Variants in MEIS2 observed in about 807,000 individuals in gnomAD.
MEIS2 encodes the protein homeobox protein Meis2.
In MEIS2, 9 loss-of-function variants were observed where a neutral mutation model predicts 58.6. The observed-to-expected ratio is 0.15, with a 90% CI of 0.09 to 0.27. The LOEUF (loss-of-function observed/expected upper bound fraction) is 0.27, where lower values mean the gene tolerates loss of function less well. Ranked by LOEUF, MEIS2 falls within the 10% of genes least tolerant of loss-of-function variation. MEIS2 has a pLI of 1.00. For synonymous variants in MEIS2, 221 were observed against 228.4 expected (o/e 0.97, Z 0.29); for missense variants, 427 against 635.0 (o/e 0.67, Z 3.52).
chr15:36,974,139 A>G (rs2059662278), intron 8 of MEIS2, among the ~76,000 whole-genome samples: 1 of 152,162 alleles, frequency 6.6e-6, no homozygotes, highest in Admixed American at 6.5e-5. Flanking sequence ...GTTATCCTGT[A>G]TTGTGAAATG....
chr15:37,094,325 G>T (rs913735199), intron 5 of MEIS2, among the ~76,000 whole-genome samples: 3 of 152,060 alleles, frequency 2.0e-5, no homozygotes, highest in Non-Finnish European at 4.4e-5. Flanking sequence ...GGAGGAGGAG[G>T]CTACTTTAAA....
At chr15:36,954,333 A>C (rs2058875916) in intron 8 of MEIS2, among the ~76,000 whole-genome samples, 1 of 151,204 alleles carries the variant, frequency 6.6e-6, no homozygotes, top group Non-Finnish European at 1.5e-5. Flanking sequence ...TATACACTGA[A>C]TCATGTTGTG....
intron 8 of MEIS2, among the ~76,000 whole-genome samples, chr15:37,031,653 T>C (rs2061929000): frequency 6.6e-6 from 1 of 152,088 alleles, no homozygotes; most frequent in Non-Finnish European, 1.5e-5. Flanking sequence ...CAGATTCTAA[T>C]AGGCAAGTAG....
chr15:37,070,623 C>T (rs1277621073), intron 7 of MEIS2, among the ~76,000 whole-genome samples: 2 of 152,034 alleles, frequency 1.3e-5, no homozygotes, highest in Non-Finnish European at 2.9e-5. Context: ...TTTGTTTGTT[C>T]ATTTAAAGTA....
At chr15:37,093,089 G>A (rs1007346442) in intron 6 of MEIS2, among the ~76,000 whole-genome samples, 1 of 152,010 alleles carries the variant, frequency 6.6e-6, no homozygotes, top group Non-Finnish European at 1.5e-5. Flanking sequence ...CTTTTATTTC[G>A]AATGCAGTGC....
intron 9 of MEIS2, among the ~76,000 whole-genome samples, chr15:36,945,246 G>A (rs2058521806): frequency 6.6e-6 from 1 of 151,898 alleles, no homozygotes; most frequent in South Asian, 2.1e-4. Context: ...AGTATAAGCA[G>A]CAAAGAAAAG....
At chr15:36,941,199 C>T (rs917124309) in intron 9 of MEIS2, among the ~76,000 whole-genome samples, 61 of 152,130 alleles carry the variant, frequency 4.0e-4, no homozygotes, top group African/African-American at 1.3e-3. Context: ...TAGTAACTCA[C>T]GGCTAAGAAA....
chr15:36,981,635 C>T (rs926464029), intron 8 of MEIS2, among the ~76,000 whole-genome samples: 1 of 152,024 alleles, frequency 6.6e-6, no homozygotes, highest in Non-Finnish European at 1.5e-5. Flanking sequence ...AAGATCTACT[C>T]TGTGATGGTT....
rs534478782 is a variant in MEIS2 at position 36,945,381 on chromosome 15, C to T, written c.977+4943G>A. Among the ~76,000 whole-genome samples, 9 of 152,152 alleles carry T rather than the reference C, an allele frequency of 5.9e-5. No individual in the cohort carries two copies. In the East Asian group the frequency reaches 1.7e-3, roughly 29 times the overall value. On this transcript the variant is annotated intron_variant, in intron 9 of 11. Transcript: ENST00000561208. Reference sequence around the variant, plus strand: ...CTGAGAAGTTCTCCTAACAATGCTACCTTTTATTTTCAGAGCACTTTTAAC... The same window carrying T: ...CTGAGAAGTTCTCCTAACAATGCTATCTTTTATTTTCAGAGCACTTTTAAC...
chr15:37,011,128 T>C (rs2061136380), intron 8 of MEIS2, among the ~76,000 whole-genome samples: 1 of 152,216 alleles, frequency 6.6e-6, no homozygotes. Flanking sequence ...CACATGTAAA[T>C]AGCTCTGTAT....
chr15:36,936,449 A>G (rs2058178742), intron 9 of MEIS2, among the ~76,000 whole-genome samples: 1 of 152,088 alleles, frequency 6.6e-6, no homozygotes, highest in South Asian at 2.1e-4. Context: ...TTCTTAATGG[A>G]GCAAAACTTT....
rs150313361 is a variant in MEIS2 at position 36,892,192 on chromosome 15, A to G, written c.1415T>C (p.Met472Thr). 2.5e-5 allele frequency: 41 copies of G among 1,614,138 alleles called. No homozygotes were observed. Among genetic ancestry groups the G allele is most frequent in the Admixed American group, 6.7e-5 (4 of 60,006 alleles). Residue 472 changes from methionine to threonine, a missense_variant, in exon 12 of 12, where the codon ATG becomes ACG. Coordinates refer to ENST00000561208, the MANE Select transcript of MEIS2 (RefSeq NM_170675.5). ...CTTATACTATTGGGCATGAATGTCC[A>G]TAACCTGTCCGCCAACATTGGGATC... is the stretch of plus-strand genomic sequence containing the variant. ...SVDPNVGGQV[M>T]DIHAQ
intron 8 of MEIS2, among the ~76,000 whole-genome samples, chr15:36,991,255 C>CTT (rs10713560): frequency 6.8e-6 from 1 of 146,782 alleles, no homozygotes; most frequent in Admixed American, 6.8e-5. Context: ...ATTTTTCTCT[C>CTT]TTTTTTTTTT....
At chr15:37,066,431 T>C (rs1334558834) in intron 7 of MEIS2, 1 of 152,296 alleles carries the variant, frequency 6.6e-6, no homozygotes, top group East Asian at 1.9e-4. Flanking sequence ...TTTAAATGGC[T>C]TTGTCTTCAT....
At chr15:37,005,218 A>C (rs1178542095) in intron 8 of MEIS2, among the ~76,000 whole-genome samples, 1 of 152,224 alleles carries the variant, frequency 6.6e-6, no homozygotes, top group African/African-American at 2.4e-5. Flanking sequence ...ACTCCTGGTG[A>C]AAGTGAGTTT....
At chr15:37,093,766 G>GTTGT (rs750593802) in intron 5 of MEIS2, 36 bp from the exon 6 acceptor site, 1 of 1,585,174 alleles carries the variant, frequency 6.3e-7, no homozygotes, top group Non-Finnish European at 8.6e-7. Context: ...TTTAGCTCAT[G>GTTGT]TTGTTGTTGT....
chr15:37,050,811 T>C (rs2062886427), intron 7 of MEIS2: 2 of 152,200 alleles, frequency 1.3e-5, no homozygotes, highest in Non-Finnish European at 1.5e-5. Context: ...TTCAGATCTA[T>C]TTCTTATTTA....
chr15:36,954,520 A>G lies in MEIS2; in HGVS notation c.901-4120T>C, dbSNP rs535414978. ...AAATTAACTATAATTTATATACTTC[A>G]TATCTTTAAGAAACTATAGTCACTT... is the stretch of plus-strand genomic sequence containing the variant. On this transcript the variant is annotated intron_variant, in intron 8 of 11. Coordinates refer to ENST00000561208, the MANE Select transcript of MEIS2 (RefSeq NM_170675.5). 2.0e-5 allele frequency among the ~76,000 whole-genome samples: 3 copies of G among 150,126 alleles called. No homozygotes were observed. In the South Asian group the frequency reaches 6.3e-4, roughly 31 times the overall value.
chr15:36,990,203 C>T (rs913156351), intron 8 of MEIS2, among the ~76,000 whole-genome samples: 15 of 152,102 alleles, frequency 9.9e-5, no homozygotes, highest in African/African-American at 3.4e-4. Flanking sequence ...CCTCGGCCTC[C>T]CAAAGTGCTG....
Sources: gnomAD v4.1 joint callset for allele counts (sites outside exome capture counted in the v4.1 genomes callset) on GRCh38, gnomAD v4.1.1 for gene constraint, MANE v1.5 for transcripts, NCBI Gene and HGNC (gene_info 2026-07-23, HGNC 2026-07-21) for gene names.